ZNF131: variants seen among roughly 807,000 people sequenced by gnomAD.
ZNF131 encodes the protein zinc finger and BTB domain containing 35.
ZNF131 carries 7 observed loss-of-function variants against 60.0 expected under a neutral mutation model. The observed-to-expected ratio is 0.12, with a 90% CI of 0.07 to 0.22. The LOEUF (loss-of-function observed/expected upper bound fraction) is 0.22, where lower values mean the gene tolerates loss of function less well. Among genes scored for constraint, ZNF131 ranks in the 10% least tolerant of loss-of-function variants. ZNF131 has a pLI of 1.00. For missense variants in ZNF131, 493 were observed against 740.9 expected, an observed-to-expected ratio of 0.67 and a Z score of 3.88; for synonymous variants, 257 against 253.2, an observed-to-expected ratio of 1.01 and a Z score of -0.14.
intron 4 of ZNF131, among the ~76,000 whole-genome samples, 154 bp from the exon 5 acceptor site, chr5:43,161,095 T>C (rs1299741305): frequency 6.6e-6 from 1 of 152,216 alleles, no homozygotes; most frequent in Non-Finnish European, 1.5e-5. Flanking sequence ...TCTTAATTAC[T>C]GTAGCTTTAA....
chr5:43,154,190 T>G lies in ZNF131; in HGVS notation c.372-7059T>G, dbSNP rs571040658. On this transcript the variant is annotated intron_variant, in intron 4 of 6. Coordinates refer to ENST00000682664, the MANE Select transcript of ZNF131 (RefSeq NM_001330707.2). The stretch of plus-strand genomic sequence containing the variant: ...ATTTTGGGAGGCTGAGGTGGGCAGA[T>G]TGTCTGAGGTCAGGAGTTTGAGACC... 2.8e-4 allele frequency among the ~76,000 whole-genome samples: 43 copies of G among 152,244 alleles called. No homozygotes were observed. The East Asian group carries it at 8.1e-3, about 29-fold the overall frequency.
chr5:43,150,743 C>T (rs12522830), intron 4 of ZNF131, among the ~76,000 whole-genome samples: 27,428 of 152,106 alleles, frequency 0.18, 2,921 homozygotes, highest in Middle Eastern at 0.34. Flanking sequence ...CGCCATTGCA[C>T]TCTGGCTTGG....
intron 1 of ZNF131, chr5:43,121,728 C>T (rs948254208): frequency 2.3e-4 from 41 of 176,614 alleles, no homozygotes; most frequent in Non-Finnish European, 4.8e-5. Context: ...ACCGCCACGG[C>T]TGTCGAGTCC....
chr5:43,169,979 A>G (rs1191159380), intron 5 of ZNF131, among the ~76,000 whole-genome samples: 1 of 151,916 alleles, frequency 6.6e-6, no homozygotes, highest in Non-Finnish European at 1.5e-5. Context: ...TTTAGTAGAG[A>G]CGGGGTTTCA....
intron 4 of ZNF131, among the ~76,000 whole-genome samples, chr5:43,140,253 A>G (rs1228989888): frequency 3.3e-5 from 5 of 152,204 alleles, no homozygotes; most frequent in African/African-American, 1.2e-4. Context: ...GTGAAAGGAT[A>G]TAATGAACAA....
intron 4 of ZNF131, among the ~76,000 whole-genome samples, chr5:43,144,016 A>G (rs1418406157): frequency 7.4e-6 from 1 of 135,954 alleles, no homozygotes; most frequent in Non-Finnish European, 1.5e-5. Context: ...TCCACCTCCC[A>G]GGTTCACGCT....
At chr5:43,163,035 G>A (rs548208501) in intron 5 of ZNF131, among the ~76,000 whole-genome samples, 11 of 131,848 alleles carry the variant, frequency 8.3e-5, no homozygotes, top group African/African-American at 1.4e-4. Flanking sequence ...GCAGTGGCAC[G>A]ATCTTGGCTC....
intron 4 of ZNF131, among the ~76,000 whole-genome samples, chr5:43,140,004 C>T (rs1746599585): frequency 6.6e-6 from 1 of 152,026 alleles, no homozygotes; most frequent in Non-Finnish European, 1.5e-5. Context: ...TAGCTTATGC[C>T]CAGGAGTTCA....
rs186403797 is a variant in ZNF131 at position 43,164,554 on chromosome 5, T to A, written c.1054+2623T>A. Reference sequence around the variant, plus strand: ...CCAATACCCCAGCAGATAATCAGGATAATCAGTAGCTTTTATAGCCTATGA... The same window carrying A: ...CCAATACCCCAGCAGATAATCAGGAAAATCAGTAGCTTTTATAGCCTATGA... On this transcript the variant is annotated intron_variant, in intron 5 of 6. Coordinates refer to ENST00000682664, the MANE Select transcript of ZNF131 (RefSeq NM_001330707.2). 3.6e-3 allele frequency among the ~76,000 whole-genome samples: 546 copies of A among 152,334 alleles called. 3 individuals carry two copies. Among genetic ancestry groups the A allele is most frequent in the African/African-American group, 0.013 (521 of 41,576 alleles).
At position 43,175,091 on chromosome 5, in the gene ZNF131, G is replaced by T; in HGVS notation, c.1830G>T (p.Lys610Asn). 6.2e-7 allele frequency: 1 copy of T among 1,614,142 alleles called. No individual in the cohort carries two copies. Among genetic ancestry groups the T allele is most frequent in the South Asian group, 1.1e-5 (1 of 91,068 alleles). ...TKPTVDSEAE[K>N]AENEDRTALP... ...CAACAGTGGATTCTGAAGCAGAAAA[G>T]GCAGAGAATGAGGACAGAACAGCTC... Residue 610 changes from lysine to asparagine, a missense_variant, in exon 7 of 7, where the codon AAG (lysine) becomes AAT (asparagine). Around this residue, in one of 7 missense-constraint regions of ZNF131, gnomAD observed 202 missense variants for 221.3 expected, o/e 0.91. Transcript: ENST00000682664.
chr5:43,158,500 G>T (rs1237371271), intron 4 of ZNF131, among the ~76,000 whole-genome samples: 1 of 152,050 alleles, frequency 6.6e-6, no homozygotes, highest in African/African-American at 2.4e-5. Flanking sequence ...ATGTTGGTCA[G>T]GCTGGTCTCG....
chr5:43,131,853 T>C (rs1041340910), intron 3 of ZNF131, among the ~76,000 whole-genome samples: 9 of 151,904 alleles, frequency 5.9e-5, no homozygotes, highest in African/African-American at 1.9e-4. Flanking sequence ...AGTAAGAGAT[T>C]GTGAACCTAT....
At chr5:43,121,416 C>G (rs1319794408) in intron 1 of ZNF131, 1 of 152,564 alleles carries the variant, frequency 6.6e-6, no homozygotes, top group Non-Finnish European at 1.5e-5. Flanking sequence ...CGCGCTCGGC[C>G]CCGCCCATCC....
chr5:43,132,654 G>A (rs72750764), intron 3 of ZNF131, among the ~76,000 whole-genome samples: 13,522 of 151,912 alleles, frequency 0.089, 804 homozygotes, highest in East Asian at 0.19. Flanking sequence ...GGGATTACAG[G>A]CGCGCGTAAC....
intron 3 of ZNF131, chr5:43,123,760 G>A (rs1006197567): frequency 6.5e-6 from 1 of 152,896 alleles, no homozygotes; most frequent in Non-Finnish European, 1.5e-5. Context: ...GCAGTGTGAA[G>A]TGGGCTGCCA....
intron 3 of ZNF131, among the ~76,000 whole-genome samples, chr5:43,133,358 G>A (rs1484233777): frequency 6.6e-6 from 1 of 152,052 alleles, no homozygotes; most frequent in Non-Finnish European, 1.5e-5. Context: ...TCAGCTACTC[G>A]GGAGCCTGAG....
chr5:43,123,811 T>A (rs1744171008), intron 3 of ZNF131: 1 of 152,442 alleles, frequency 6.6e-6, no homozygotes, highest in African/African-American at 2.4e-5. Context: ...GAAGTAGCAT[T>A]TAGAGGAAAT....
At chr5:43,147,305 T>G (rs1747721547) in intron 4 of ZNF131, among the ~76,000 whole-genome samples, 1 of 152,194 alleles carries the variant, frequency 6.6e-6, no homozygotes, top group African/African-American at 2.4e-5. Flanking sequence ...CTTTCATTTC[T>G]CTTAGTAAAC....
intron 3 of ZNF131, among the ~76,000 whole-genome samples, chr5:43,135,826 C>A (rs1319345619): frequency 6.6e-6 from 1 of 151,184 alleles, no homozygotes; most frequent in African/African-American, 2.4e-5. Context: ...ATTTGAAAAT[C>A]TGAACTGCTT....
Sources: allele counts gnomAD v4.1 joint callset (sites outside exome capture counted in the v4.1 genomes callset), GRCh38; gene constraint gnomAD v4.1.1; regional missense constraint gnomAD v4.1.1; transcripts MANE v1.5; gene names NCBI Gene and HGNC (gene_info 2026-07-23, HGNC 2026-07-21).